Variants in AGAP1 observed in about 807,000 individuals in gnomAD.
AGAP1 encodes ArfGAP with GTPase domain, ankyrin repeat and PH domain 1.
AGAP1 carries 29 observed loss-of-function variants against 105.3 expected under a neutral mutation model. That is an observed-to-expected ratio of 0.28 (90% CI 0.21 to 0.38). The LOEUF (loss-of-function observed/expected upper bound fraction) is 0.38. AGAP1 is among the 10% of genes least tolerant of loss of function. The pLI, the probability that AGAP1 is intolerant of heterozygous loss-of-function variation, is 1.00. For synonymous variants in AGAP1, 509 were observed against 485.9 expected, an observed-to-expected ratio of 1.05 and a Z score of -0.63; for missense variants, 998 against 1,165.1, an observed-to-expected ratio of 0.86 and a Z score of 2.09.
intron 1 of AGAP1, among the ~76,000 whole-genome samples, chr2:235,539,541 A>G (rs1013175934): frequency 1.3e-5 from 2 of 151,618 alleles, no homozygotes; most frequent in African/African-American, 4.9e-5. Flanking sequence ...CTATTTTGGT[A>G]TTTTTTTCTC....
At position 235,589,186 on chromosome 2, in the gene AGAP1, A is replaced by ATTT. The variant is rs1559270688; in HGVS notation, c.163+94339_163+94340insTTT. 5.1e-4 allele frequency among the ~76,000 whole-genome samples: 18 copies of ATTT among 35,072 alleles called. 1 individual carries two copies. The highest frequency in any genetic ancestry group is 1.1e-3 in the South Asian group (1 of 882). 23.0% of individuals were successfully genotyped at this position (35,072 alleles called of 152,430 possible). ...TTTGAGAACTACCAGTTAATAGCTT[A>ATTT]TTGTTTTGTTTTTTTTTTTTTTTTT... On this transcript the variant is annotated intron_variant, in intron 1 of 17. Transcript: ENST00000304032.
chr2:235,497,244 G>A (rs1279533973), intron 1 of AGAP1, among the ~76,000 whole-genome samples: 1 of 152,114 alleles, frequency 6.6e-6, no homozygotes, highest in African/African-American at 2.4e-5. Context: ...TCTGAACCAA[G>A]GGATCATTTG....
rs549078582 is a variant in AGAP1 at position 235,788,069 on chromosome 2, C to A, written c.674-9690C>A. On this transcript the variant is annotated intron_variant, in intron 6 of 17. Coordinates refer to ENST00000304032, the MANE Select transcript of AGAP1 (RefSeq NM_001037131.3). This position sits in a 1 kb window ranked among gnomAD's most constrained non-coding sequence, Gnocchi z 6.0. ...TCAACGCTGCAGCCTCTGAGTCATG[C>A]ATGCCTCATGGGGTCATCCTGACTT... is the stretch of plus-strand genomic sequence containing the variant. 9.2e-5 allele frequency among the ~76,000 whole-genome samples: 14 copies of A among 152,296 alleles called. No individual in the cohort carries two copies. The highest frequency in any genetic ancestry group is 3.4e-4 in the African/African-American group (14 of 41,560).
chr2:235,501,802 C>A (rs563280944), intron 1 of AGAP1, among the ~76,000 whole-genome samples: 27 of 152,146 alleles, frequency 1.8e-4, no homozygotes, highest in African/African-American at 6.3e-4. Flanking sequence ...AATCCTCCAG[C>A]CTTCACGTCC....
chr2:235,987,108 GTTATTTAT>G (rs59663970), intron 13 of AGAP1, among the ~76,000 whole-genome samples: 18 of 147,796 alleles, frequency 1.2e-4, no homozygotes, highest in East Asian at 2.0e-4. Context: ...GCTTTTTATT[GTTATTTAT>G]TTATTTATTT....
Position 235,621,388 on chromosome 2 carries a change from C to G in AGAP1, c.164-87791C>G, listed in dbSNP as rs890926933. ...TCAATAAAATGGGTATGTTAACAGT[C>G]TCTACCTCCCAGAGTGGTTGGGGTT... is the stretch of plus-strand genomic sequence containing the variant. On this transcript the variant is annotated intron_variant, in intron 1 of 17. Coordinates refer to ENST00000304032, the MANE Select transcript of AGAP1 (RefSeq NM_001037131.3). The surrounding 1 kb of genome is among the most constrained non-coding windows in gnomAD (Gnocchi z 4.1). Among the ~76,000 whole-genome samples, 3 of 152,172 alleles carry G rather than the reference C, an allele frequency of 2.0e-5. No individual in the cohort carries two copies. Among genetic ancestry groups the G allele is most frequent in the Admixed American group, 6.5e-5 (1 of 15,276 alleles).
intron 6 of AGAP1, among the ~76,000 whole-genome samples, chr2:235,770,291 C>T (rs540960135): frequency 0.02 from 2,976 of 151,880 alleles, 96 homozygotes; most frequent in African/African-American, 0.069. Context: ...CGCCACCCCA[C>T]GCCTGGCTAA....
At chr2:235,808,738 G>A (rs1442410757) in intron 9 of AGAP1, among the ~76,000 whole-genome samples, 1 of 152,160 alleles carries the variant, frequency 6.6e-6, no homozygotes, top group Non-Finnish European at 1.5e-5. Context: ...ATCATCTACT[G>A]GGCCGCAAAT....
chr2:235,991,152 T>C (rs547759070), intron 13 of AGAP1, among the ~76,000 whole-genome samples: 1 of 152,370 alleles, frequency 6.6e-6, no homozygotes, highest in South Asian at 2.1e-4. Flanking sequence ...AGCTGAATTT[T>C]ACCTAGATTT....
At chr2:235,873,359 C>A (rs1175127253) in intron 9 of AGAP1, among the ~76,000 whole-genome samples, 1 of 152,240 alleles carries the variant, frequency 6.6e-6, no homozygotes, top group Non-Finnish European at 1.5e-5. Flanking sequence ...CCTCTGGCCT[C>A]CTGCTTCTGA....
intron 1 of AGAP1, among the ~76,000 whole-genome samples, chr2:235,573,054 C>CTTCCTTCT (rs1944613272): frequency 4.5e-5 from 1 of 22,190 alleles, no homozygotes; most frequent in Non-Finnish European, 7.6e-5. Flanking sequence ...TCTTCTTCTT[C>CTTCCTTCT]TTCTTCTTTC....
chr2:235,709,030 A>G, intron 1 of AGAP1, 149 bp from the exon 2 acceptor site: 1 of 786,084 alleles, frequency 1.3e-6, no homozygotes, highest in East Asian at 2.5e-5. Context: ...ACTGGGACAA[A>G]CTGATCTTTC....
At position 235,793,079 on chromosome 2, in the gene AGAP1, G is replaced by A. The variant is rs1490026601; in HGVS notation, c.674-4680G>A. ...TTCATGGAAGCCCGAGGAGGATGCAGAAGAGGAAAGGAGGGAATGACGAGG... is the reference window on the plus strand; with the variant it reads ...TTCATGGAAGCCCGAGGAGGATGCAAAAGAGGAAAGGAGGGAATGACGAGG... On this transcript the variant is annotated intron_variant, in intron 6 of 17. Coordinates refer to ENST00000304032, the MANE Select transcript of AGAP1 (RefSeq NM_001037131.3). This position sits in a 1 kb window ranked among gnomAD's most constrained non-coding sequence, Gnocchi z 5.3. Among the ~76,000 whole-genome samples the A allele has an allele frequency of 6.6e-6, 1 of 152,180 alleles. No individual in the cohort carries two copies. Among genetic ancestry groups the A allele is most frequent in the Non-Finnish European group, 1.5e-5 (1 of 68,032 alleles).
At chr2:235,827,709 A>T (rs62190882) in intron 9 of AGAP1, among the ~76,000 whole-genome samples, 23,911 of 152,148 alleles carry the variant, frequency 0.16, 2,255 homozygotes, top group South Asian at 0.26. Flanking sequence ...CCGGCATTGA[A>T]CTACACTTCC....
At chr2:235,605,533 C>T (rs886524994) in intron 1 of AGAP1, among the ~76,000 whole-genome samples, 2 of 152,214 alleles carry the variant, frequency 1.3e-5, no homozygotes, top group Non-Finnish European at 2.9e-5. Context: ...TTTATCTTCT[C>T]CCTACCTTGT....
In AGAP1 at chr2:235,968,392, C is replaced by T. The variant is rs114289659; in HGVS notation, c.1484-70C>T. On this transcript the variant is annotated intron_variant, in intron 12 of 17. Coordinates refer to ENST00000304032, the MANE Select transcript of AGAP1 (RefSeq NM_001037131.3). ...GAGGAGCGTGGCTGTGCTGTTTCTG[C>T]GCATTCTGCTTTGTAAGTGCTCACT... 932 of 1,522,200 alleles carry T rather than the reference C, an allele frequency of 6.1e-4. 4 individuals are homozygous for T. In the African/African-American group the frequency reaches 0.011, roughly 19 times the overall value. 94.3% of individuals were successfully genotyped at this position (1,522,200 alleles called of 1,614,324 possible).
In AGAP1 at chr2:236,120,249, G is replaced by T. The variant is rs781325504; in HGVS notation, c.2172G>T (p.Pro724=). The T allele has an allele frequency of 1.2e-6, 2 of 1,613,290 alleles. No individual in the cohort carries two copies. The highest frequency in any genetic ancestry group is 1.7e-6 in the Non-Finnish European group (2 of 1,179,672). Residue 724 remains proline (P), a synonymous_variant, in exon 17 of 18, where the codon CCG becomes CCT. Coordinates refer to ENST00000304032, the MANE Select transcript of AGAP1 (RefSeq NM_001037131.3). The surrounding 1 kb of genome is among the most constrained non-coding windows in gnomAD (Gnocchi z 6.0). ...AKYEQKLFLA[P]LPCTELSLGQ... ...ACGAGCAGAAGCTCTTCCTGGCCCC[G>T]CTGCCCTGCACGGAGCTGTCCCTGG...
chr2:235,763,898 C>T (rs73996361), intron 6 of AGAP1, among the ~76,000 whole-genome samples: 2,125 of 152,236 alleles, frequency 0.014, 48 homozygotes, highest in African/African-American at 0.049. Flanking sequence ...TACAGATGCG[C>T]GCTTTTGGGG....
chr2:235,687,074 G>T (rs956464085), intron 1 of AGAP1, among the ~76,000 whole-genome samples: 1 of 152,138 alleles, frequency 6.6e-6, no homozygotes, highest in African/African-American at 2.4e-5. Context: ...TTGACATGCA[G>T]ATTGCAGATC....
Sources: allele counts gnomAD v4.1 joint callset (sites outside exome capture counted in the v4.1 genomes callset), GRCh38; gene constraint gnomAD v4.1.1; non-coding constraint Gnocchi (gnomAD v3.1); transcripts MANE v1.5; gene names NCBI Gene and HGNC (gene_info 2026-07-23, HGNC 2026-07-21).